SENP6: variants seen among roughly 807,000 people sequenced by gnomAD.
SENP6 encodes the protein SUMO specific peptidase 6.
In SENP6, 41 loss-of-function variants were observed where a neutral mutation model predicts 134.5. The observed-to-expected ratio is 0.30, with a 90% CI of 0.24 to 0.40. The LOEUF is 0.40. Among genes scored for constraint, SENP6 ranks in the 10% least tolerant of loss-of-function variants. The pLI, the probability that SENP6 is intolerant of heterozygous loss-of-function variation, is 1.00. For missense variants in SENP6, 1,248 were observed against 1,312.5 expected, an observed-to-expected ratio of 0.95 and a Z score of 0.76; for synonymous variants, 395 against 429.8, an observed-to-expected ratio of 0.92 and a Z score of 1.00.
At position 75,670,556 on chromosome 6, in the gene SENP6, G is replaced by C; in HGVS notation, c.1228G>C (p.Gly410Arg). 1.3e-6 allele frequency: 2 copies of C among 1,594,766 alleles called. No individual in the cohort carries two copies. The highest frequency in any genetic ancestry group is 1.7e-6 in the Non-Finnish European group (2 of 1,169,636). The change falls in exon 11 of 24, where the codon GGC (glycine) becomes CGC (arginine). Residue 410 changes from glycine to arginine, a missense_variant. By Grantham distance (125) the Gly-to-Arg change is moderately radical. Coordinates refer to ENST00000447266, the MANE Select transcript of SENP6 (RefSeq NM_015571.4). ...AACATTTTCTTTTCCTTTTTAGTTTGGCAATTCTATTATCAACACACCTCT... is the reference window on the plus strand; with the variant it reads ...AACATTTTCTTTTCCTTTTTAGTTTCGCAATTCTATTATCAACACACCTCT... ...PRKARMKDQFGNSIINTPLKR... is the reference protein window; with the variant it reads ...PRKARMKDQFRNSIINTPLKR...
At chr6:75,657,207 T>C (rs958941449) in intron 7 of SENP6, among the ~76,000 whole-genome samples, 4 of 152,210 alleles carry the variant, frequency 2.6e-5, no homozygotes, top group African/African-American at 9.6e-5. Flanking sequence ...TAAGACTGCT[T>C]TACTGTAAAT....
Position 75,602,547 on chromosome 6 carries a change from G to A in SENP6, c.23G>A (p.Gly8Asp), listed in dbSNP as rs1582631256. The A allele has an allele frequency of 1.3e-6, 2 of 1,551,588 alleles. No homozygotes were observed. Among genetic ancestry groups the A allele is most frequent in the Non-Finnish European group, 1.7e-6 (2 of 1,146,930 alleles). The change falls in exon 1 of 24, where the codon GGT becomes GAT. Residue 8 changes from glycine (G) to aspartate (D), a missense_variant. By Grantham distance (94) the Gly-to-Asp change is moderately conservative. Around this residue, in one of 3 missense-constraint regions of SENP6, gnomAD observed 733 missense variants for 725.4 expected, o/e 1.01. Coordinates refer to ENST00000447266, the MANE Select transcript of SENP6 (RefSeq NM_015571.4). ...AAGATGGCGGCCGGCAAGAGCGGCG[G>A]TAGCGCAGGGGAGATTACTTTTCTG... MAAGKSGGSAGEITFLEA... is the reference protein window; with the variant it reads MAAGKSGDSAGEITFLEA...
intron 19 of SENP6, among the ~76,000 whole-genome samples, chr6:75,707,667 T>C (rs1775495229): frequency 6.6e-6 from 1 of 152,018 alleles, no homozygotes; most frequent in South Asian, 2.1e-4. Context: ...CCATAGTGCT[T>C]TTTTGTTGTT....
chr6:75,607,514 G>A (rs1268271015), intron 1 of SENP6, among the ~76,000 whole-genome samples: 2 of 151,262 alleles, frequency 1.3e-5, no homozygotes, highest in Admixed American at 6.6e-5. Context: ...CTTCATTTTT[G>A]TACTGCACTT....
chr6:75,665,440 T>C (rs891948878), intron 9 of SENP6, among the ~76,000 whole-genome samples: 2 of 152,128 alleles, frequency 1.3e-5, no homozygotes, highest in African/African-American at 4.8e-5. Context: ...AAAAACAGAA[T>C]ATTATGAGAA....
chr6:75,715,382 C>T lies in SENP6; in HGVS notation c.3130-3C>T. 6.3e-7 allele frequency: 1 copy of T among 1,586,714 alleles called. No individual in the cohort carries two copies. Among genetic ancestry groups the T allele is most frequent in the Non-Finnish European group, 8.6e-7 (1 of 1,160,630 alleles). ...TCTAATACGCATTTAATTGTATTTT[C>T]AGAATCCAATTCTCAGTTTTGAACT... On this transcript the variant is annotated splice_region_variant and splice_polypyrimidine_tract_variant and intron_variant, in intron 23 of 23. Transcript: ENST00000447266.
intron 6 of SENP6, among the ~76,000 whole-genome samples, chr6:75,641,204 T>G (rs1561996037): frequency 6.6e-6 from 1 of 152,182 alleles, no homozygotes; most frequent in Non-Finnish European, 1.5e-5. Flanking sequence ...GGTATTTGGC[T>G]TATATAGGTG....
At chr6:75,666,579 TG>T in intron 9 of SENP6, 132 bp from the exon 10 acceptor site, 1 of 315,032 alleles carries the variant, frequency 3.2e-6, no homozygotes, top group Non-Finnish European at 5.4e-6. Context: ...ATTTTAGATC[TG>T]GAGGAGGTCC....
chr6:75,670,770 C>A (rs774482928), intron 11 of SENP6, 50 bp downstream of exon 11: 1 of 1,131,728 alleles, frequency 8.8e-7, no homozygotes, highest in South Asian at 2.8e-5. Context: ...ATTAAAAATT[C>A]CGTTGCTAAA....
intron 1 of SENP6, 63 bp from the exon 2 acceptor site, chr6:75,621,469 A>G (rs1344582310): frequency 1.0e-5 from 10 of 969,508 alleles, no homozygotes; most frequent in African/African-American, 3.4e-5. Context: ...GGAAATGCAC[A>G]TATTTGTTTT....
intron 1 of SENP6, chr6:75,610,810 G>A (rs1767383217): frequency 6.9e-6 from 1 of 144,946 alleles, no homozygotes. Context: ...GTTTTGTTTG[G>A]GGGTGGGGTG....
intron 19 of SENP6, among the ~76,000 whole-genome samples, chr6:75,708,563 C>T (rs941052058): frequency 1.3e-5 from 2 of 151,998 alleles, no homozygotes; most frequent in African/African-American, 4.8e-5. Flanking sequence ...TGGACTCCAC[C>T]TGGGCAAAAG....
intron 5 of SENP6, among the ~76,000 whole-genome samples, chr6:75,640,322 A>G (rs618239): frequency 0.2 from 29,734 of 152,118 alleles, 3,349 homozygotes; most frequent in African/African-American, 0.3. Context: ...ATTTTGGTAT[A>G]TTGGATTCGG....
rs35094762 is a variant in SENP6, at chr6:75,626,145, T to TGTG, written c.207+2185_207+2186insGTG. 2.0e-5 allele frequency among the ~76,000 whole-genome samples: 3 copies of TGTG among 149,110 alleles called. No homozygotes were observed. In the South Asian group the frequency reaches 6.4e-4, roughly 32 times the overall value. Reference sequence around the variant, plus strand: ...TTAGGTTTGTTGTTGTTGTTGTTGTTTTTTAATTTTGTTTTTTATAGTGAG... The same window carrying TGTG: ...TTAGGTTTGTTGTTGTTGTTGTTGTTGTGTTTTAATTTTGTTTTTTATAGTGAG... On this transcript the variant is annotated intron_variant, in intron 3 of 23. Coordinates refer to ENST00000447266, the MANE Select transcript of SENP6 (RefSeq NM_015571.4).
At chr6:75,640,778 A>C (rs1286045053) in intron 6 of SENP6, 74 bp downstream of exon 6, 4 of 939,374 alleles carry the variant, frequency 4.3e-6, no homozygotes, top group Non-Finnish European at 6.1e-6. Flanking sequence ...GTTTTGAAAA[A>C]TATTGGTTGA....
intron 7 of SENP6, among the ~76,000 whole-genome samples, chr6:75,658,179 G>A (rs183627304): frequency 3.3e-4 from 50 of 152,152 alleles, no homozygotes; most frequent in South Asian, 6.2e-4. Context: ...AGTAGTCATC[G>A]ATTATTTAAA....
At chr6:75,661,266 G>A (rs1402290243) in intron 8 of SENP6, among the ~76,000 whole-genome samples, 1 of 152,104 alleles carries the variant, frequency 6.6e-6, no homozygotes, top group Non-Finnish European at 1.5e-5. Context: ...ATCACCCCTG[G>A]TGTATTTACC....
chr6:75,614,269 T>G (rs531883803), intron 1 of SENP6, among the ~76,000 whole-genome samples: 94 of 151,594 alleles, frequency 6.2e-4, no homozygotes, highest in African/African-American at 2.2e-3. Flanking sequence ...TCTTTTTTTT[T>G]TTTTTTTTTT....
chr6:75,665,725 A>C (rs533688951), intron 9 of SENP6, among the ~76,000 whole-genome samples: 1 of 152,294 alleles, frequency 6.6e-6, no homozygotes, highest in East Asian at 1.9e-4. Context: ...TTCCTGTGTG[A>C]GATAAAATTA....
Sources: gnomAD v4.1 joint callset for allele counts (sites outside exome capture counted in the v4.1 genomes callset) on GRCh38, gnomAD v4.1.1 for gene constraint, gnomAD v4.1.1 regional missense constraint, MANE v1.5 for transcripts, NCBI Gene and HGNC (gene_info 2026-07-23, HGNC 2026-07-21) for gene names.